The following TRIM13 variants were observed in gnomAD, a reference collection of about 807,000 sequenced individuals.
The protein encoded by TRIM13 is tripartite motif containing 13.
A neutral mutation model predicts 27.1 loss-of-function variants in TRIM13; 15 were observed. The ratio of observed to expected loss-of-function variants is 0.55; its 90% CI spans 0.37 to 0.85. The LOEUF is 0.85. TRIM13 is among the 40% of genes least tolerant of loss of function. The probability of loss-of-function intolerance (pLI) is 0.00; values close to 1 mark genes in which losing one functional copy is unlikely to be tolerated. For synonymous variants in TRIM13, 193 were observed against 171.5 expected (o/e 1.13, Z -0.98); for missense variants, 402 against 472.2 (o/e 0.85, Z 1.38).
chr13:50,009,020 C>CAAAAAAAAAA (rs35407149), intron 1 of TRIM13, among the ~76,000 whole-genome samples: 1 of 68,036 alleles, frequency 1.5e-5, no homozygotes, highest in African/African-American at 5.2e-5. Context: ...AAAGCTGTCT[C>CAAAAAAAAAA]AAAAAAAAAA....
chr13:50,016,125 T>A lies in TRIM13; in HGVS notation c.*2961T>A. The A allele has an allele frequency of 7.3e-7, 1 of 1,364,932 alleles. No homozygotes were observed. Among genetic ancestry groups the A allele is most frequent in the Non-Finnish European group, 1.0e-6 (1 of 978,336 alleles). 84.6% of individuals were successfully genotyped at this position (1,364,932 alleles called of 1,614,324 possible). A position where few individuals can be genotyped will look rare whatever the true frequency, so the allele number is the denominator to read the frequency against. ...GTATACCAGTTTGTGATGTTTTCTC[T>A]AAAAACTTGAAGTTCCTCAGGCCTG... is the stretch of plus-strand genomic sequence containing the variant. On this transcript the variant is annotated 3_prime_UTR_variant, in exon 2 of 2. Coordinates refer to ENST00000378182, the MANE Select transcript of TRIM13 (RefSeq NM_213590.3).
At chr13:50,007,910 C>CTT (rs750998094) in intron 1 of TRIM13, among the ~76,000 whole-genome samples, 3 of 143,914 alleles carry the variant, frequency 2.1e-5, no homozygotes, top group Middle Eastern at 3.3e-3. Flanking sequence ...AAAGTATTCG[C>CTT]TTTTTTTTTT....
In TRIM13 at chr13:50,012,652, G is replaced by A. The variant is rs935818430; in HGVS notation, c.712G>A (p.Ala238Thr). ...EQRMAFNIAE[A>T]FKDVSEPIVF... ...ACGGATGGCCTTTAACATTGCTGAGGCTTTCAAAGATGTGTCAGAACCCAT... is the reference window on the plus strand; with the variant it reads ...ACGGATGGCCTTTAACATTGCTGAGACTTTCAAAGATGTGTCAGAACCCAT... Residue 238 changes from alanine (A) to threonine (T), a missense_variant, in exon 2 of 2, where the codon GCT (alanine) becomes ACT (threonine). Physicochemically the swap from Ala to Thr is moderately conservative, Grantham distance 58 (BLOSUM62 0). This residue lies in a region of TRIM13 where 200 missense variants were observed against 194.7 expected (regional missense o/e 1.03). Coordinates refer to ENST00000378182, the MANE Select transcript of TRIM13 (RefSeq NM_213590.3). The A allele has an allele frequency of 1.2e-6, 2 of 1,614,098 alleles. No homozygotes were observed. Among genetic ancestry groups the A allele is most frequent in the Non-Finnish European group, 1.7e-6 (2 of 1,180,004 alleles).
At position 50,013,077 on chromosome 13, in the gene TRIM13, T is replaced by C; in HGVS notation, c.1137T>C (p.Phe379=). The C allele has an allele frequency of 6.2e-7, 1 of 1,613,442 alleles. No homozygotes were observed. The highest frequency in any genetic ancestry group is 8.5e-7 in the Non-Finnish European group (1 of 1,179,826). ...ACTGGGAACAGGTGACAGATGGGTT[T>C]TTCATTTTCAATGAAAGATTCAAGA... is the stretch of plus-strand genomic sequence containing the variant. ...VFYWEQVTDG[F]FIFNERFKNF... The change falls in exon 2 of 2, where the codon TTT becomes TTC. Residue 379 remains phenylalanine (F), a synonymous_variant. Transcript: ENST00000378182.
chr13:50,001,087 C>G (rs1264178014), intron 1 of TRIM13: 1 of 152,222 alleles, frequency 6.6e-6, no homozygotes, highest in Non-Finnish European at 1.5e-5. Context: ...GTCAGGAGCT[C>G]GAGACCAGCC....
At chr13:50,011,819 T>C (rs1283354309) in intron 1 of TRIM13, 116 bp from the exon 2 acceptor site, 2 of 1,262,014 alleles carry the variant, frequency 1.6e-6, no homozygotes, top group Admixed American at 2.5e-5. Context: ...CTACTTTGTT[T>C]GGCTGGTTAT....
chr13:50,003,943 G>A (rs1874358216), intron 1 of TRIM13, among the ~76,000 whole-genome samples: 1 of 152,130 alleles, frequency 6.6e-6, no homozygotes, highest in African/African-American at 2.4e-5. Flanking sequence ...TTAAAAAGTT[G>A]TCAGCTTTTA....
At chr13:50,006,983 C>A (rs954101162) in intron 1 of TRIM13, among the ~76,000 whole-genome samples, 1 of 149,934 alleles carries the variant, frequency 6.7e-6, no homozygotes, top group Non-Finnish European at 1.5e-5. Context: ...GAGGTTGAGA[C>A]CAGCCTGGGC....
In TRIM13 at chr13:50,016,962, C is replaced by T. The variant is rs1323386229; in HGVS notation, c.*3798C>T. 1 of 166,314 alleles carries T rather than the reference C, an allele frequency of 6.0e-6. No individual in the cohort carries two copies. Among genetic ancestry groups the T allele is most frequent in the Non-Finnish European group, 1.5e-5 (1 of 68,062 alleles). 10.3% of individuals were successfully genotyped at this position (166,314 alleles called of 1,614,324 possible). On this transcript the variant is annotated 3_prime_UTR_variant, in exon 2 of 2. Coordinates refer to ENST00000378182, the MANE Select transcript of TRIM13 (RefSeq NM_213590.3). ...GGATACCAGTGTCTCTCTCTCTTAG[C>T]GACACACTCCTTGGTCTTGCTTACC...
chr13:50,008,335 CTT>C (rs1875084131), intron 1 of TRIM13, among the ~76,000 whole-genome samples: 1 of 152,154 alleles, frequency 6.6e-6, no homozygotes, highest in Non-Finnish European at 1.5e-5. Flanking sequence ...ATGTAGTACT[CTT>C]TGGTTTTACA....
At chr13:49,999,585 TC>T (rs1201429616) in intron 1 of TRIM13, among the ~76,000 whole-genome samples, 6 of 152,170 alleles carry the variant, frequency 3.9e-5, no homozygotes, top group African/African-American at 1.4e-4. Flanking sequence ...TCAACTGTGT[TC>T]CCCAGGCTGG....
chr13:50,012,302 G>C lies in TRIM13; in HGVS notation c.362G>C (p.Gly121Ala). Residue 121 changes from glycine to alanine, a missense_variant, in exon 2 of 2, where the codon GGG becomes GCG. This residue lies in a region of TRIM13 where 202 missense variants were observed against 277.5 expected (regional missense o/e 0.73). Transcript: ENST00000378182. ...ATTTGTGGGATCTGTGCTACTCGTG[G>C]GGAGCACACCAAACATGTCTTCTGT... Reference protein sequence around the residue: ...QLICGICATRGEHTKHVFCSI... With the variant: ...QLICGICATRAEHTKHVFCSI... 7.4e-6 allele frequency: 12 copies of C among 1,614,098 alleles called. No homozygotes were observed. Among genetic ancestry groups the C allele is most frequent in the Non-Finnish European group, 1.0e-5 (12 of 1,179,996 alleles).
intron 1 of TRIM13, among the ~76,000 whole-genome samples, chr13:50,009,043 AGAG>A (rs1366050236): frequency 8.0e-5 from 12 of 150,028 alleles, no homozygotes; most frequent in Non-Finnish European, 1.5e-4. Flanking sequence ...AAAAAAAAAA[AGAG>A]AATCCCAAGA....
chr13:50,015,741 A>G lies in TRIM13; in HGVS notation c.*2577A>G. 1 of 1,614,116 alleles carries G rather than the reference A, an allele frequency of 6.2e-7. No individual in the cohort carries two copies. Among genetic ancestry groups the G allele is most frequent in the African/African-American group, 1.3e-5 (1 of 75,044 alleles). ...GAATTTTCAGACTATCTTAGGCTTC[A>G]GAGAGAGGCTCTTTTCTATGAACTT... On this transcript the variant is annotated 3_prime_UTR_variant, in exon 2 of 2. Transcript: ENST00000378182.
In TRIM13 at chr13:50,012,891, ATTT is replaced by A; in HGVS notation, c.954_956del (p.Phe318del). Reference sequence around the variant, plus strand: ...AGATTCCCTGGAGCTTTTATAAGTTATTTTTGCTAATCCTTCTGCTTGGCCTTG... The same window carrying A: ...AGATTCCCTGGAGCTTTTATAAGTTATTGCTAATCCTTCTGCTTGGCCTTG... On this transcript the variant is annotated inframe_deletion, in exon 2 of 2. Coordinates refer to ENST00000378182, the MANE Select transcript of TRIM13 (RefSeq NM_213590.3). 1 of 1,613,864 alleles carries A rather than the reference ATTT, an allele frequency of 6.2e-7. No homozygotes were observed.
chr13:50,003,449 T>TAG (rs1278486360), intron 1 of TRIM13, among the ~76,000 whole-genome samples: 1 of 152,208 alleles, frequency 6.6e-6, no homozygotes, highest in Non-Finnish European at 1.5e-5. Context: ...AAAGTTTCTT[T>TAG]TACTAATAGG....
chr13:50,014,692 A>T lies in TRIM13; in HGVS notation c.*1528A>T, dbSNP rs764147325. 1 of 166,834 alleles carries T rather than the reference A, an allele frequency of 6.0e-6. No homozygotes were observed. Among genetic ancestry groups the T allele is most frequent in the Non-Finnish European group, 1.5e-5 (1 of 68,094 alleles). The allele number at this position is 166,834 out of a possible 1,614,324, so 10.3% of individuals were successfully genotyped here. On this transcript the variant is annotated 3_prime_UTR_variant, in exon 2 of 2. Transcript: ENST00000378182. ...CTTGCTTAGAATTCATATAACAAAGAAGTAACCTTATAACTGCTCTCTAGT... is the reference window on the plus strand; with the variant it reads ...CTTGCTTAGAATTCATATAACAAAGTAGTAACCTTATAACTGCTCTCTAGT...
At chr13:50,001,075 A>C (rs893687273) in intron 1 of TRIM13, 1 of 152,392 alleles carries the variant, frequency 6.6e-6, no homozygotes. Flanking sequence ...GGATCACCTG[A>C]GGTCAGGAGC....
chr13:50,015,090 AAAAAATATATATATATATATATATATAT>A lies in TRIM13; in HGVS notation c.*1928_*1955del, dbSNP rs1179586198. The A allele has an allele frequency of 9.2e-4, 36 of 39,088 alleles. 1 individual carries two copies. Among genetic ancestry groups the A allele is most frequent in the South Asian group, 2.5e-3 (2 of 788 alleles). The allele number at this position is 39,088 out of a possible 1,614,324, so 2.4% of individuals were successfully genotyped here. A position where few individuals can be genotyped will look rare whatever the true frequency, so the allele number is the denominator to read the frequency against. On this transcript the variant is annotated 3_prime_UTR_variant, in exon 2 of 2. Transcript: ENST00000378182. ...CTCCCAGTAATAAAAAAAAAAAAAA[AAAAAATATATATATATATATATATATAT>A]ATATATATATATATATATATATATA...
Sources: gnomAD v4.1 joint callset for allele counts (sites outside exome capture counted in the v4.1 genomes callset) on GRCh38, gnomAD v4.1.1 for gene constraint, gnomAD v4.1.1 regional missense constraint, MANE v1.5 for transcripts, NCBI Gene and HGNC (gene_info 2026-07-23, HGNC 2026-07-21) for gene names.